PDE4B: variants seen among roughly 807,000 people sequenced by gnomAD.
PDE4B encodes the protein 3',5'-cyclic-AMP phosphodiesterase 4B.
PDE4B carries 20 observed loss-of-function variants against 82.2 expected under a neutral mutation model. The ratio of observed to expected loss-of-function variants is 0.24; its 90% CI spans 0.17 to 0.35. PDE4B has a LOEUF of 0.35. PDE4B is among the 10% of genes least tolerant of loss of function. The pLI, the probability that PDE4B is intolerant of heterozygous loss-of-function variation, is 1.00. For missense variants in PDE4B, 655 were observed against 907.2 expected (o/e 0.72, Z 3.57); for synonymous variants, 320 against 318.9 (o/e 1.00, Z -0.04).
chr1:65,896,585 G>C (rs1329964446), intron 1 of PDE4B, among the ~76,000 whole-genome samples: 1 of 152,154 alleles, frequency 6.6e-6, no homozygotes, highest in Non-Finnish European at 1.5e-5. Flanking sequence ...TGATAAAAGA[G>C]AGAAATAGTT....
chr1:66,212,612 G>A (rs904721013), intron 3 of PDE4B, among the ~76,000 whole-genome samples: 1 of 151,862 alleles, frequency 6.6e-6, no homozygotes, highest in Non-Finnish European at 1.5e-5. Flanking sequence ...AAATTTTATT[G>A]TCTTTCCCCC....
chr1:65,933,313 CT>C (rs1157560120), intron 3 of PDE4B, among the ~76,000 whole-genome samples: 1 of 151,386 alleles, frequency 6.6e-6, no homozygotes, highest in Non-Finnish European at 1.5e-5. Context: ...ATTCAAAGTG[CT>C]GAAATTAAAA....
At chr1:65,990,444 C>T (rs1244131795) in intron 3 of PDE4B, among the ~76,000 whole-genome samples, 1 of 152,080 alleles carries the variant, frequency 6.6e-6, no homozygotes, top group Non-Finnish European at 1.5e-5. Flanking sequence ...GCCAATACAT[C>T]ACTATGAATA....
chr1:66,048,078 G>A (rs912023038), intron 3 of PDE4B, among the ~76,000 whole-genome samples: 7 of 151,802 alleles, frequency 4.6e-5, no homozygotes, highest in African/African-American at 1.7e-4. Context: ...TGTATGTGTT[G>A]CCTCACAGTA....
At chr1:65,957,065 T>C (rs187019725) in intron 3 of PDE4B, among the ~76,000 whole-genome samples, 4 of 151,804 alleles carry the variant, frequency 2.6e-5, no homozygotes, top group Admixed American at 2.6e-4. Context: ...GCTTTTTTGT[T>C]CTCTTTTGTT....
At chr1:66,098,401 C>T (rs1018436848) in intron 3 of PDE4B, among the ~76,000 whole-genome samples, 3 of 152,144 alleles carry the variant, frequency 2.0e-5, no homozygotes, top group Admixed American at 6.6e-5. Flanking sequence ...TTGAACTCAC[C>T]CTGCTTCTTT....
rs1299082334 is a variant in PDE4B, at chr1:66,314,042, A to AT, written c.635-18464dup. Among the ~76,000 whole-genome samples, 5 of 152,234 alleles carry AT rather than the reference A, an allele frequency of 3.3e-5. No homozygotes were observed. The South Asian group carries it at 1.0e-3, about 32-fold the overall frequency. On this transcript the variant is annotated intron_variant, in intron 7 of 16. Transcript: ENST00000341517. ...AGGCTTTGTGACAATTTTGGACACA[A>AT]TTGTCACCCTTTGTGATGATTTTGG... is the stretch of plus-strand genomic sequence containing the variant.
At chr1:66,340,264 T>C (rs554858118) in intron 8 of PDE4B, among the ~76,000 whole-genome samples, 14 of 152,352 alleles carry the variant, frequency 9.2e-5, no homozygotes, top group African/African-American at 3.1e-4. Flanking sequence ...CTTTGTTTGA[T>C]TGACTTTAAA....
chr1:65,942,272 G>A (rs1648487746), intron 3 of PDE4B, among the ~76,000 whole-genome samples: 1 of 151,834 alleles, frequency 6.6e-6, no homozygotes, highest in Non-Finnish European at 1.5e-5. Context: ...GTGAGATCAT[G>A]TGGCATTTGT....
chr1:65,934,375 C>T (rs1010097293), intron 3 of PDE4B, among the ~76,000 whole-genome samples: 1 of 152,142 alleles, frequency 6.6e-6, no homozygotes, highest in African/African-American at 2.4e-5. Context: ...ATTGCTTAAG[C>T]CTAGATAACA....
chr1:66,130,793 A>G (rs996305752), intron 3 of PDE4B, among the ~76,000 whole-genome samples: 2 of 152,176 alleles, frequency 1.3e-5, no homozygotes, highest in Non-Finnish European at 2.9e-5. Flanking sequence ...AGAATCACAG[A>G]TCATCTCCCT....
intron 3 of PDE4B, among the ~76,000 whole-genome samples, chr1:66,184,125 A>G (rs1160412910): frequency 6.6e-6 from 1 of 152,120 alleles, no homozygotes; most frequent in Non-Finnish European, 1.5e-5. Flanking sequence ...GCTGACCCTA[A>G]ATGCCAGGGT....
intron 3 of PDE4B, among the ~76,000 whole-genome samples, chr1:65,950,123 T>C (rs1235479840): frequency 6.6e-6 from 1 of 152,094 alleles, no homozygotes; most frequent in Non-Finnish European, 1.5e-5. Flanking sequence ...TTAATAGACT[T>C]GAACCTGTCA....
At chr1:66,088,336 T>C (rs1489058995) in intron 3 of PDE4B, among the ~76,000 whole-genome samples, 1 of 152,022 alleles carries the variant, frequency 6.6e-6, no homozygotes, top group Non-Finnish European at 1.5e-5. Context: ...AACCTCTGAG[T>C]ATCCAACTGG....
intron 1 of PDE4B, among the ~76,000 whole-genome samples, chr1:65,820,938 A>G (rs1645944941): frequency 6.6e-6 from 1 of 152,236 alleles, no homozygotes; most frequent in South Asian, 2.1e-4. Context: ...CTGTAAGGTA[A>G]GTCAGGCTTA....
At chr1:66,084,614 G>A (rs1656910895) in intron 3 of PDE4B, among the ~76,000 whole-genome samples, 1 of 152,090 alleles carries the variant, frequency 6.6e-6, no homozygotes, top group South Asian at 2.1e-4. Flanking sequence ...AGGGCTGAGG[G>A]ATCAACCCTC....
chr1:66,066,706 T>C (rs1353525596), intron 3 of PDE4B, among the ~76,000 whole-genome samples: 5 of 151,932 alleles, frequency 3.3e-5, no homozygotes, highest in Non-Finnish European at 7.4e-5. Flanking sequence ...TTGTATCTTA[T>C]GTCTCATTCA....
chr1:65,826,886 C>T (rs145585108), intron 1 of PDE4B, among the ~76,000 whole-genome samples: 168 of 152,168 alleles, frequency 1.1e-3, no homozygotes, highest in Admixed American at 2.6e-3. Flanking sequence ...TTAGCCCTAC[C>T]CCACCATGTA....
In PDE4B at chr1:66,096,508, T is replaced by TTATATATATATATATA. The variant is rs4068855; in HGVS notation, c.282-150933_282-150918dup. On this transcript the variant is annotated intron_variant, in intron 3 of 16. Transcript: ENST00000341517. ...TTAAATGCGGTATAAGTAAAAAAAA[T>TTATATATATATATATA]TATATATATATATATATATATATAT... 4.4e-3 allele frequency among the ~76,000 whole-genome samples: 469 copies of TTATATATATATATATA among 107,142 alleles called. 14 individuals carry two copies. The highest frequency in any genetic ancestry group is 9.3e-3 in the Middle Eastern group (2 of 216). 70.3% of individuals were successfully genotyped at this position (107,142 alleles called of 152,430 possible).
Sources: gnomAD v4.1 joint callset for allele counts (sites outside exome capture counted in the v4.1 genomes callset) on GRCh38, gnomAD v4.1.1 for gene constraint, MANE v1.5 for transcripts, NCBI Gene and HGNC (gene_info 2026-07-23, HGNC 2026-07-21) for gene names.